The following CSMD3 variants were observed in gnomAD, a reference collection of about 807,000 sequenced individuals.
CSMD3 encodes the protein CUB and Sushi multiple domains 3.
Under a neutral mutation model 435.2 loss-of-function variants are expected in CSMD3, and 177 were observed. That is an observed-to-expected ratio of 0.41 (90% CI 0.36 to 0.46). The LOEUF is 0.46. CSMD3 is among the 20% of genes least tolerant of loss of function. CSMD3 has a pLI of 0.34. For synonymous variants in CSMD3, 1,656 were observed against 1,520.5 expected, an observed-to-expected ratio of 1.09 and a Z score of -2.07; for missense variants, 4,265 against 4,504.6, an observed-to-expected ratio of 0.95 and a Z score of 1.52.
At chr8:113,316,390 T>C (rs1215580015) in intron 1 of CSMD3, among the ~76,000 whole-genome samples, 1 of 152,066 alleles carries the variant, frequency 6.6e-6, no homozygotes, top group Non-Finnish European at 1.5e-5. Flanking sequence ...GGATACTTTT[T>C]AAAAGTAAGA....
intron 59 of CSMD3, among the ~76,000 whole-genome samples, chr8:112,273,128 G>C (rs1195391827): frequency 6.6e-6 from 1 of 151,870 alleles, no homozygotes; most frequent in Admixed American, 6.6e-5. Flanking sequence ...CATTCCTGAG[G>C]AAAAATGAAG....
At chr8:113,402,667 A>G (rs950632362) in intron 1 of CSMD3, among the ~76,000 whole-genome samples, 1 of 151,260 alleles carries the variant, frequency 6.6e-6, no homozygotes, top group African/African-American at 2.4e-5. Context: ...GGGGAGCTTA[A>G]AGGAAATATA....
chr8:113,064,196 C>A (rs1587996881), intron 5 of CSMD3, among the ~76,000 whole-genome samples: 1 of 151,838 alleles, frequency 6.6e-6, no homozygotes, highest in Non-Finnish European at 1.5e-5. Context: ...AGTGGTTTTA[C>A]ATGAACCATT....
chr8:113,261,461 C>T (rs557588608), intron 3 of CSMD3, among the ~76,000 whole-genome samples: 5 of 152,250 alleles, frequency 3.3e-5, no homozygotes, highest in African/African-American at 9.6e-5. Context: ...ATTGGTCTGT[C>T]TCTAGCATTG....
intron 13 of CSMD3, among the ~76,000 whole-genome samples, chr8:112,773,037 G>A (rs2078160815): frequency 6.6e-6 from 1 of 151,774 alleles, no homozygotes; most frequent in Non-Finnish European, 1.5e-5. Flanking sequence ...CAGTCCCCTG[G>A]GCCCATTTTT....
chr8:112,315,355 T>C (rs1822362039), intron 47 of CSMD3, among the ~76,000 whole-genome samples: 1 of 151,954 alleles, frequency 6.6e-6, no homozygotes, highest in African/African-American at 2.4e-5. Context: ...TTTTAGTTGT[T>C]GGCATCAATT....
intron 38 of CSMD3, among the ~76,000 whole-genome samples, chr8:112,354,907 A>G (rs1826449919): frequency 6.6e-6 from 1 of 152,138 alleles, no homozygotes. Context: ...ATCCTAAACC[A>G]AAAAAAGAAC....
chr8:113,301,165 A>G (rs1260131332), intron 2 of CSMD3, among the ~76,000 whole-genome samples: 2 of 152,218 alleles, frequency 1.3e-5, no homozygotes, highest in African/African-American at 4.8e-5. Context: ...GTGAAGTCAG[A>G]GCAAGGAGAG....
chr8:113,206,156 C>T (rs779093113), intron 3 of CSMD3, among the ~76,000 whole-genome samples: 22 of 152,044 alleles, frequency 1.4e-4, no homozygotes, highest in Non-Finnish European at 2.6e-4. Flanking sequence ...AAAATGTTTG[C>T]TGACCCCCAA....
At chr8:112,895,257 T>C (rs1339827532) in intron 10 of CSMD3, among the ~76,000 whole-genome samples, 1 of 151,304 alleles carries the variant, frequency 6.6e-6, no homozygotes, top group Non-Finnish European at 1.5e-5. Flanking sequence ...TTTTAAAAAA[T>C]AATGTGTTGC....
chr8:112,640,347 T>C (rs2131595058), intron 20 of CSMD3, among the ~76,000 whole-genome samples: 1 of 152,046 alleles, frequency 6.6e-6, no homozygotes, highest in Admixed American at 6.5e-5. Context: ...TTCCAAAATA[T>C]CAGAGTATGA....
intron 45 of CSMD3, among the ~76,000 whole-genome samples, chr8:112,320,764 TAAAG>T (rs1351713764): frequency 1.3e-5 from 2 of 151,842 alleles, no homozygotes; most frequent in Non-Finnish European, 1.5e-5. Flanking sequence ...AGAAAACTGT[TAAAG>T]AGAGTTAAAA....
intron 7 of CSMD3, among the ~76,000 whole-genome samples, chr8:112,963,783 T>C (rs1030799973): frequency 2.6e-5 from 4 of 151,990 alleles, no homozygotes; most frequent in Non-Finnish European, 2.9e-5. Context: ...CACTTTACTT[T>C]TGTATAACTT....
intron 9 of CSMD3, among the ~76,000 whole-genome samples, chr8:112,929,600 A>G (rs140313509): frequency 0.034 from 5,110 of 152,124 alleles, 141 homozygotes; most frequent in Middle Eastern, 0.049. Context: ...TTTTTAATAG[A>G]TCTTCAATTC....
intron 11 of CSMD3, 131 bp from the exon 12 acceptor site, chr8:112,829,920 CACACACAA>C (rs2079817474): frequency 1.1e-5 from 4 of 363,840 alleles, no homozygotes; most frequent in East Asian, 5.5e-5. Context: ...CACACACACA[CACACACAA>C]GCAGTTCAAT....
chr8:113,178,147 T>C (rs1033496014), intron 3 of CSMD3, among the ~76,000 whole-genome samples: 7 of 152,060 alleles, frequency 4.6e-5, no homozygotes, highest in Middle Eastern at 6.8e-3. Flanking sequence ...TCAAACTTCA[T>C]TGTTGAGTAT....
Position 112,304,626 on chromosome 8 carries a change from A to G in CSMD3, c.8266+95T>C, listed in dbSNP as rs1265135166. 3.3e-6 allele frequency: 3 copies of G among 919,804 alleles called. No individual in the cohort carries two copies. In the East Asian group the frequency reaches 7.3e-5, roughly 23 times the overall value. The allele number at this position is 919,804 out of a possible 1,614,324, so 57.0% of individuals were successfully genotyped here. ...ATGACCATATTAGTAATGTCATCCA[A>G]TTATTGATCTAATGTGTTTATGAAA... is the stretch of plus-strand genomic sequence containing the variant. On this transcript the variant is annotated intron_variant, in intron 52 of 70. Transcript: ENST00000297405.
At chr8:112,746,945 C>T (rs896193464) in intron 13 of CSMD3, among the ~76,000 whole-genome samples, 1 of 152,080 alleles carries the variant, frequency 6.6e-6, no homozygotes. Flanking sequence ...TTCATGTAGA[C>T]ATTCTACCCA....
At chr8:112,347,543 T>G (rs1487754594) in intron 40 of CSMD3, among the ~76,000 whole-genome samples, 1 of 152,190 alleles carries the variant, frequency 6.6e-6, no homozygotes, top group Non-Finnish European at 1.5e-5. Context: ...GTGAACTAAA[T>G]AAATTATGTG....
Sources: allele counts gnomAD v4.1 joint callset (sites outside exome capture counted in the v4.1 genomes callset), GRCh38; gene constraint gnomAD v4.1.1; transcripts MANE v1.5; gene names NCBI Gene and HGNC (gene_info 2026-07-23, HGNC 2026-07-21).